Variants in ANO6 observed in about 807,000 individuals in gnomAD.
The protein encoded by ANO6 is anoctamin-6.
ANO6 carries 106 observed loss-of-function variants against 117.5 expected under a neutral mutation model. The ratio of observed to expected loss-of-function variants is 0.90; its 90% confidence interval spans 0.77 to 1.06. The LOEUF (loss-of-function observed/expected upper bound fraction) is 1.06, where lower values mean the gene tolerates loss of function less well. Among genes scored for constraint, ANO6 ranks in the 50% least tolerant of loss-of-function variants. ANO6 has a pLI of 0.00. For synonymous variants in ANO6, 367 were observed against 385.1 expected (o/e 0.95, Z 0.55); for missense variants, 955 against 1,121.1 (o/e 0.85, Z 2.12).
intron 3 of ANO6, among the ~76,000 whole-genome samples, chr12:45,336,248 C>T (rs1940821847): frequency 6.6e-6 from 1 of 151,886 alleles, no homozygotes; most frequent in African/African-American, 2.4e-5. Flanking sequence ...GATCATATGG[C>T]TTGGTTCCTC....
chr12:45,300,331 C>T (rs1939440421), intron 1 of ANO6, among the ~76,000 whole-genome samples: 1 of 152,122 alleles, frequency 6.6e-6, no homozygotes, highest in Non-Finnish European at 1.5e-5. Context: ...CAGGTGCACA[C>T]CATCACGCCC....
chr12:45,224,341 C>T (rs1408763472), intron 1 of ANO6, among the ~76,000 whole-genome samples: 1 of 152,016 alleles, frequency 6.6e-6, no homozygotes, highest in East Asian at 1.9e-4. Context: ...TACACCCTGG[C>T]CTTATTCACG....
chr12:45,234,367 T>C (rs1410333929), intron 1 of ANO6, among the ~76,000 whole-genome samples: 3 of 152,202 alleles, frequency 2.0e-5, no homozygotes, highest in Non-Finnish European at 4.4e-5. Flanking sequence ...TCATGTGTAA[T>C]AATTTATTTC....
chr12:45,434,140 A>G (rs1361413375), downstream of ANO6, among the ~76,000 whole-genome samples: 1 of 152,152 alleles, frequency 6.6e-6, no homozygotes, highest in African/African-American at 2.4e-5. Flanking sequence ...CCATAATCAA[A>G]CCTAGTTCTT....
Position 45,430,921 on chromosome 12 carries a change from T to TAAAC in ANO6, c.*1612_*1615dup. ...TGCATGGGCTTCACTGGGATGCTGTTAAACACCAGAGGAGCCAACCTATCA... is the reference window on the plus strand; with the variant it reads ...TGCATGGGCTTCACTGGGATGCTGTTAAACAAACACCAGAGGAGCCAACCTATCA... On this transcript the variant is annotated 3_prime_UTR_variant, in exon 20 of 20. Coordinates refer to ENST00000320560, the MANE Select transcript of ANO6 (RefSeq NM_001025356.3). 5 of 985,398 alleles carry TAAAC rather than the reference T, an allele frequency of 5.1e-6. No individual in the cohort carries two copies. Among genetic ancestry groups the TAAAC allele is most frequent in the Non-Finnish European group, 6.0e-6 (5 of 829,928 alleles). The allele number at this position is 985,398 out of a possible 1,614,324, so 61.0% of individuals were successfully genotyped here.
At chr12:45,270,528 A>C in intron 1 of ANO6, 1 of 1,066,408 alleles carries the variant, frequency 9.4e-7, no homozygotes, top group Admixed American at 2.3e-5. Flanking sequence ...AGCCTGGGTA[A>C]GATCCCCTTC....
Position 45,347,962 on chromosome 12 carries a change from T to G in ANO6, c.346-66T>G, listed in dbSNP as rs1592996511. 3 of 1,494,042 alleles carry G rather than the reference T, an allele frequency of 2.0e-6. No individual in the cohort carries two copies. In the East Asian group the frequency reaches 6.8e-5, roughly 34 times the overall value. The allele number at this position is 1,494,042 out of a possible 1,614,324, so 92.5% of individuals were successfully genotyped here. ...AAAGCTACCAACAACATAAGAAAAA[T>G]CTATGTGTTTTAAAATTGTGAAAAG... On this transcript the variant is annotated intron_variant, in intron 4 of 19. Coordinates refer to ENST00000320560, the MANE Select transcript of ANO6 (RefSeq NM_001025356.3).
In ANO6 at chr12:45,403,439, T is replaced by A; in HGVS notation, c.1783T>A (p.Cys595Ser). Reference sequence around the variant, plus strand: ...TGGTATTTTCTTTTTAACCTTCTAGTGTGACCCAGGTGGCTGTCTTCTTGA... The same window carrying A: ...TGGTATTTTCTTTTTAACCTTCTAGAGTGACCCAGGTGGCTGTCTTCTTGA... ...YWLGKYRNEECDPGGCLLELT... is the reference protein window; with the variant it reads ...YWLGKYRNEESDPGGCLLELT... Residue 595 changes from cysteine (C) to serine (S), a missense_variant and splice_region_variant, in exon 15 of 20, where the codon TGT becomes AGT. By Grantham distance (112) the Cys-to-Ser change is moderately radical. Transcript: ENST00000320560. 1 of 1,612,334 alleles carries A rather than the reference T, an allele frequency of 6.2e-7. No homozygotes were observed. The highest frequency in any genetic ancestry group is 8.5e-7 in the Non-Finnish European group (1 of 1,178,382).
At chr12:45,292,779 C>T in intron 1 of ANO6, 3 of 1,456,376 alleles carry the variant, frequency 2.1e-6, no homozygotes, top group Middle Eastern at 1.8e-4. Flanking sequence ...AGAAATTGTG[C>T]TTACTGAAAC....
chr12:45,236,193 A>G (rs1323025829), intron 1 of ANO6, among the ~76,000 whole-genome samples: 2 of 152,202 alleles, frequency 1.3e-5, no homozygotes, highest in African/African-American at 4.8e-5. Flanking sequence ...TTTATTGTCA[A>G]ATTAATGGTA....
intron 2 of ANO6, among the ~76,000 whole-genome samples, chr12:45,302,356 G>A (rs992919668): frequency 6.6e-6 from 1 of 152,112 alleles, no homozygotes; most frequent in Admixed American, 6.6e-5. Flanking sequence ...TAATAAAATA[G>A]CATCTTGTTT....
intron 15 of ANO6, among the ~76,000 whole-genome samples, chr12:45,407,858 A>G (rs990261071): frequency 1.2e-4 from 19 of 152,162 alleles, no homozygotes; most frequent in African/African-American, 4.3e-4. Context: ...TTAACCAGCT[A>G]AGAAATAGAG....
rs1943223850 is a variant in ANO6, at chr12:45,416,769, C to T, written c.2082C>T (p.Asn694=). 3.1e-6 allele frequency: 5 copies of T among 1,613,916 alleles called. No homozygotes were observed. The highest frequency in any genetic ancestry group is 4.2e-6 in the Non-Finnish European group (5 of 1,180,012). ...FPLAPLLALV[N]NILEIRVDAW... ...TGGCCCCTCTGTTGGCTCTCGTGAA[C>T]AATATATTGGAAATAAGAGTGGACG... Residue 694 remains asparagine, a synonymous_variant, in exon 17 of 20, where the codon AAC becomes AAT. Coordinates refer to ENST00000320560, the MANE Select transcript of ANO6 (RefSeq NM_001025356.3).
chr12:45,366,738 G>T (rs115951807), intron 8 of ANO6, among the ~76,000 whole-genome samples: 1,548 of 152,212 alleles, frequency 0.01, 22 homozygotes, highest in African/African-American at 0.035. Flanking sequence ...TGTGAATATG[G>T]TAGTGTAGGC....
At chr12:45,412,692 T>C (rs1381105018) in intron 16 of ANO6, among the ~76,000 whole-genome samples, 1 of 152,204 alleles carries the variant, frequency 6.6e-6, no homozygotes, top group African/African-American at 2.4e-5. Context: ...CTCCAGCTCT[T>C]CATTTGTTCA....
chr12:45,375,977 A>G (rs1485889234), intron 9 of ANO6, among the ~76,000 whole-genome samples: 3 of 149,960 alleles, frequency 2.0e-5, no homozygotes, highest in East Asian at 3.9e-4. Flanking sequence ...GCTAATATCC[A>G]GAATCTACAA....
chr12:45,385,388 T>C (rs1404642765), intron 10 of ANO6, among the ~76,000 whole-genome samples: 1 of 152,132 alleles, frequency 6.6e-6, no homozygotes, highest in Non-Finnish European at 1.5e-5. Flanking sequence ...TATGCAATAC[T>C]GGCAGTAGGA....
chr12:45,224,495 C>G (rs1206821175), intron 1 of ANO6, among the ~76,000 whole-genome samples: 1 of 152,140 alleles, frequency 6.6e-6, no homozygotes, highest in East Asian at 1.9e-4. Flanking sequence ...GCAAACTATC[C>G]TCAAACTCTC....
chr12:45,225,106 T>A (rs1217751046), intron 1 of ANO6, among the ~76,000 whole-genome samples: 1 of 150,578 alleles, frequency 6.6e-6, no homozygotes, highest in Non-Finnish European at 1.5e-5. Flanking sequence ...AAGATTCAAT[T>A]GAACCCAGGA....
Sources: allele counts gnomAD v4.1 joint callset (sites outside exome capture counted in the v4.1 genomes callset), GRCh38; gene constraint gnomAD v4.1.1; transcripts MANE v1.5; gene names NCBI Gene and HGNC (gene_info 2026-07-23, HGNC 2026-07-21).